Variants in ZNF652 observed in about 807,000 individuals in gnomAD.
ZNF652 encodes the protein zinc finger protein 652.
ZNF652 carries 16 observed loss-of-function variants against 45.2 expected under a neutral mutation model. The observed-to-expected ratio is 0.35, with a 90% CI of 0.24 to 0.54. The LOEUF (loss-of-function observed/expected upper bound fraction) is 0.54, where lower values mean the gene tolerates loss of function less well. Ranked by LOEUF, ZNF652 falls within the 20% of genes least tolerant of loss-of-function variation. ZNF652 has a pLI of 0.91. For synonymous variants in ZNF652, 250 were observed against 260.6 expected (o/e 0.96, Z 0.39); for missense variants, 614 against 765.6 (o/e 0.80, Z 2.34).
intron 5 of ZNF652, among the ~76,000 whole-genome samples, 149 bp downstream of exon 5, chr17:49,311,158 ACTAAT>A (rs1430681331): frequency 2.6e-5 from 4 of 152,230 alleles, no homozygotes; most frequent in African/African-American, 7.2e-5. Context: ...TTTCAGTATC[ACTAAT>A]CTATATTTTT....
chr17:49,325,694 A>AT (rs2069949284), intron 1 of ZNF652, among the ~76,000 whole-genome samples: 2 of 151,758 alleles, frequency 1.3e-5, no homozygotes, highest in Non-Finnish European at 2.9e-5. Context: ...ATGGTGCTGC[A>AT]TGCCCGTGGT....
chr17:49,298,350 T>C lies in ZNF652; in HGVS notation c.*63A>G, dbSNP rs1381665078. The C allele has an allele frequency of 6.3e-7, 1 of 1,592,362 alleles. No homozygotes were observed. Among genetic ancestry groups the C allele is most frequent in the African/African-American group, 1.3e-5 (1 of 74,476 alleles). ...GAGAACTAAGGAAATGCTCACCGAC[T>C]CCCTCTGTGCACGCTCACACATGGG... On this transcript the variant is annotated 3_prime_UTR_variant, in exon 6 of 6. Transcript: ENST00000430262.
intron 1 of ZNF652, among the ~76,000 whole-genome samples, chr17:49,331,151 T>C (rs2070020070): frequency 7.1e-6 from 1 of 141,774 alleles, no homozygotes; most frequent in Non-Finnish European, 1.5e-5. Context: ...GGACGGAGTC[T>C]CGCTCTGTCA....
chr17:49,338,330 T>A (rs1011790503), intron 1 of ZNF652, among the ~76,000 whole-genome samples: 1 of 152,104 alleles, frequency 6.6e-6, no homozygotes, highest in Non-Finnish European at 1.5e-5. Flanking sequence ...ACCAACACCT[T>A]CTGCTAGATG....
chr17:49,307,773 C>T lies in ZNF652; in HGVS notation c.1309+3539G>A, dbSNP rs116801619. On this transcript the variant is annotated intron_variant, in intron 5 of 5. Transcript: ENST00000430262. ...TCTCAAAACAAACAAACGACAACAACAAAAATCCTTCACTTTATAGGATTG... is the reference window on the plus strand; with the variant it reads ...TCTCAAAACAAACAAACGACAACAATAAAAATCCTTCACTTTATAGGATTG... 2.3e-3 allele frequency among the ~76,000 whole-genome samples: 343 copies of T among 152,016 alleles called. 1 individual carries two copies. Among genetic ancestry groups the T allele is most frequent in the African/African-American group, 7.7e-3 (321 of 41,464 alleles).
chr17:49,305,739 T>C (rs879158678), intron 5 of ZNF652, among the ~76,000 whole-genome samples: 9 of 152,198 alleles, frequency 5.9e-5, no homozygotes, highest in Admixed American at 2.6e-4. Flanking sequence ...TCTAGGCACA[T>C]AGCACTGTGC....
intron 1 of ZNF652, among the ~76,000 whole-genome samples, chr17:49,347,766 GAC>G: frequency 2.8e-5 from 3 of 107,168 alleles, no homozygotes; most frequent in Admixed American, 2.4e-4. Context: ...TTTTTTTTGA[GAC>G]ACAGTCACTC....
At chr17:49,333,032 C>A (rs1198888380) in intron 1 of ZNF652, among the ~76,000 whole-genome samples, 1 of 151,676 alleles carries the variant, frequency 6.6e-6, no homozygotes, top group Non-Finnish European at 1.5e-5. Flanking sequence ...AGCAAGAAGA[C>A]CCTGTCTGAA....
Position 49,293,979 on chromosome 17 carries a change from A to T in ZNF652, c.*4434T>A, listed in dbSNP as rs751747631. 7.9e-5 allele frequency among the ~76,000 whole-genome samples: 12 copies of T among 152,162 alleles called. No individual in the cohort carries two copies. The highest frequency in any genetic ancestry group is 1.9e-4 in the East Asian group (1 of 5,186). The stretch of plus-strand genomic sequence containing the variant: ...AACTTTAGTTTTTTAGTTTTTTTTT[A>T]AAACATTAAAACCGACCTATCATTC... On this transcript the variant is annotated 3_prime_UTR_variant, in exon 6 of 6. Transcript: ENST00000430262.
chr17:49,319,110 G>A (rs1216891658), intron 1 of ZNF652, among the ~76,000 whole-genome samples: 2 of 152,030 alleles, frequency 1.3e-5, no homozygotes, highest in Non-Finnish European at 2.9e-5. Flanking sequence ...GCTTAGAAGG[G>A]CATATAATTT....
chr17:49,360,922 A>G (rs2070385814), intron 1 of ZNF652, among the ~76,000 whole-genome samples: 1 of 152,184 alleles, frequency 6.6e-6, no homozygotes, highest in Non-Finnish European at 1.5e-5. Flanking sequence ...GATGCATGTA[A>G]GGGATACACT....
chr17:49,298,501 T>C lies in ZNF652; in HGVS notation c.1733A>G (p.Lys578Arg), dbSNP rs1567911626. Reference protein sequence around the residue: ...PHLPPPPALFKSEPLNHRGQS... With the variant: ...PHLPPPPALFRSEPLNHRGQS... ...GCCTCTATGATTTAAAGGCTCACTC[T>C]TAAAGAGAGCTGGAGGTGGCGGGAG... The change falls in exon 6 of 6, where the codon AAG (lysine) becomes AGG (arginine). Residue 578 changes from lysine (K) to arginine (R), a missense_variant. Physicochemically the swap from Lys to Arg is conservative, Grantham distance 26. This residue lies in a region of ZNF652 where 132 missense variants were observed against 137.2 expected (regional missense o/e 0.96). Transcript: ENST00000430262. The C allele has an allele frequency of 6.2e-7, 1 of 1,613,126 alleles. No individual in the cohort carries two copies. The highest frequency in any genetic ancestry group is 8.5e-7 in the Non-Finnish European group (1 of 1,179,962).
At chr17:49,311,167 T>C (rs1298255668) in intron 5 of ZNF652, 145 bp downstream of exon 5, 2 of 793,820 alleles carry the variant, frequency 2.5e-6, no homozygotes, top group Non-Finnish European at 3.9e-6. Context: ...CACTAATCTA[T>C]ATTTTTACAT....
At chr17:49,354,352 GTC>G (rs2070312629) in intron 1 of ZNF652, among the ~76,000 whole-genome samples, 1 of 152,026 alleles carries the variant, frequency 6.6e-6, no homozygotes. Flanking sequence ...ATACTGCTAA[GTC>G]TCTGCTGTGT....
rs1396191182 is a variant in ZNF652, at chr17:49,317,135, A to G, written c.591T>C (p.Ser197=). Residue 197 remains serine (S), a synonymous_variant, in exon 2 of 6, where the codon TCT becomes TCC. Coordinates refer to ENST00000430262, the MANE Select transcript of ZNF652 (RefSeq NM_001145365.3). The stretch of plus-strand genomic sequence containing the variant: ...TAGGGGAAGTGGTAGCTGCGGCAAC[A>G]GAGGCAGCTCTCCTGGTTCTCCTTT... ...VTQRRTRRAA[S]VAAATTSPTP... is the part of the protein sequence containing the mutation. The G allele has an allele frequency of 6.2e-7, 1 of 1,613,930 alleles. No homozygotes were observed. The highest frequency in any genetic ancestry group is 8.5e-7 in the Non-Finnish European group (1 of 1,180,020).
intron 1 of ZNF652, among the ~76,000 whole-genome samples, chr17:49,344,952 C>G (rs1205410010): frequency 6.6e-6 from 1 of 152,066 alleles, no homozygotes; most frequent in African/African-American, 2.4e-5. Context: ...CCCACCTAAT[C>G]CCCCCTCAAA....
At chr17:49,336,197 G>T (rs1185137134) in intron 1 of ZNF652, among the ~76,000 whole-genome samples, 2 of 151,644 alleles carry the variant, frequency 1.3e-5, no homozygotes, top group Non-Finnish European at 2.9e-5. Flanking sequence ...GTTAATTTTT[G>T]TATTTTTAGT....
At chr17:49,334,605 C>G (rs575026412) in intron 1 of ZNF652, among the ~76,000 whole-genome samples, 1 of 152,034 alleles carries the variant, frequency 6.6e-6, no homozygotes, top group African/African-American at 2.4e-5. Flanking sequence ...ATGGTGAAAC[C>G]CCATCTCTAC....
intron 1 of ZNF652, among the ~76,000 whole-genome samples, chr17:49,354,528 T>C (rs1250572012): frequency 1.3e-5 from 2 of 151,164 alleles, no homozygotes; most frequent in Non-Finnish European, 2.9e-5. Flanking sequence ...GGAGAATCAC[T>C]TGAACCTGGT....
Sources: gnomAD v4.1 joint callset for allele counts (sites outside exome capture counted in the v4.1 genomes callset) on GRCh38, gnomAD v4.1.1 for gene constraint, gnomAD v4.1.1 regional missense constraint, MANE v1.5 for transcripts, NCBI Gene and HGNC (gene_info 2026-07-23, HGNC 2026-07-21) for gene names.